Variants in RNF157 observed in about 807,000 individuals in gnomAD.
RNF157 encodes the protein E3 ubiquitin ligase RNF157.
RNF157 carries 55 observed loss-of-function variants against 88.3 expected under a neutral mutation model. The observed-to-expected ratio is 0.62, with a 90% confidence interval of 0.50 to 0.78. The LOEUF is 0.78. RNF157 is among the 30% of genes least tolerant of loss of function. The pLI is 0.00. For synonymous variants in RNF157, 334 were observed against 341.2 expected (o/e 0.98, Z 0.23); for missense variants, 788 against 860.8 (o/e 0.92, Z 1.06).
intron 2 of RNF157, among the ~76,000 whole-genome samples, chr17:76,174,093 G>GA (rs1434708779): frequency 3.3e-5 from 5 of 151,892 alleles, no homozygotes; most frequent in Admixed American, 2.6e-4. Context: ...AAAAACCGCT[G>GA]AAGTTCCAAA....
intron 12 of RNF157, 67 bp downstream of exon 12, chr17:76,159,268 A>C (rs1228639545): frequency 2.8e-6 from 4 of 1,404,222 alleles, no homozygotes; most frequent in Non-Finnish European, 2.0e-6. Flanking sequence ...GTGGGCCAGC[A>C]CCAAGGAGGG....
chr17:76,182,273 T>C (rs1441172092), intron 2 of RNF157, among the ~76,000 whole-genome samples: 1 of 152,234 alleles, frequency 6.6e-6, no homozygotes, highest in Non-Finnish European at 1.5e-5. Context: ...CTCTGTGTGT[T>C]ACGTGAGCAA....
chr17:76,226,154 T>C (rs1336698612), intron 1 of RNF157: 1 of 1,605,094 alleles, frequency 6.2e-7, no homozygotes, highest in East Asian at 2.2e-5. Flanking sequence ...GATGCCACTA[T>C]CATTATCTGA....
In RNF157 at chr17:76,161,389, A is replaced by G; in HGVS notation, c.1065+146T>C. 1.5e-6 allele frequency: 1 copy of G among 667,432 alleles called. No homozygotes were observed. 41.3% of individuals were successfully genotyped at this position (667,432 alleles called of 1,614,324 possible). On this transcript the variant is annotated intron_variant, in intron 11 of 18. Coordinates refer to ENST00000269391, the MANE Select transcript of RNF157 (RefSeq NM_052916.3). The surrounding 1 kb of genome is among the most constrained non-coding windows in gnomAD (Gnocchi z 4.6). ...TTTCCACAGTAATAAGTTGGTTTTA[A>G]CGCATGCTCTCAGCCGGCTTGCTAA...
chr17:76,191,835 T>C (rs2144946710), intron 2 of RNF157, among the ~76,000 whole-genome samples: 1 of 152,326 alleles, frequency 6.6e-6, no homozygotes, highest in African/African-American at 2.4e-5. Flanking sequence ...TAATCAGGGC[T>C]ACTATTTTAT....
intron 2 of RNF157, among the ~76,000 whole-genome samples, chr17:76,200,980 C>G (rs1239173264): frequency 6.6e-6 from 1 of 152,096 alleles, no homozygotes; most frequent in East Asian, 1.9e-4. Context: ...CATCCCAACC[C>G]CAGCGAGCAG....
At chr17:76,184,889 G>A (rs1283582110) in intron 2 of RNF157, among the ~76,000 whole-genome samples, 1 of 152,154 alleles carries the variant, frequency 6.6e-6, no homozygotes, top group Non-Finnish European at 1.5e-5. Flanking sequence ...AAGTACACAA[G>A]ACCAACGTCA....
intron 3 of RNF157, 146 bp downstream of exon 3, chr17:76,173,556 G>A (rs1425555470): frequency 1.3e-5 from 8 of 613,830 alleles, no homozygotes; most frequent in Admixed American, 2.9e-5. Context: ...AGAAAGTAGC[G>A]CCCGCACTCC....
chr17:76,151,181 G>A (rs1220511291), intron 18 of RNF157, among the ~76,000 whole-genome samples: 3 of 152,252 alleles, frequency 2.0e-5, no homozygotes, highest in Non-Finnish European at 4.4e-5. Context: ...AGGAGAAGCA[G>A]GGGAACTGAT....
chr17:76,162,222 G>C (rs937248222), intron 9 of RNF157: 4 of 591,912 alleles, frequency 6.8e-6, no homozygotes, highest in Non-Finnish European at 1.2e-5. Context: ...CTAACCACTC[G>C]AGCTCCTCCT....
In RNF157 at chr17:76,145,280, C is replaced by T. The variant is rs2068567300; in HGVS notation, c.1995G>A (p.Glu665=). 1.2e-6 allele frequency: 2 copies of T among 1,609,650 alleles called. No individual in the cohort carries two copies. The change falls in exon 19 of 19, where the codon GAG becomes GAA. Residue 665 remains glutamate, a synonymous_variant. Transcript: ENST00000269391. ...QRRRLSSSSL[E]DSETRPCVWG... The stretch of plus-strand genomic sequence containing the variant: ...ACACACAGGGCCTCGTCTCAGAGTC[C>T]TCCAGGCTGCTGGATGACAAGCGCC...
At chr17:76,204,383 C>T (rs1394287592) in intron 2 of RNF157, among the ~76,000 whole-genome samples, 1 of 152,204 alleles carries the variant, frequency 6.6e-6, no homozygotes, top group Non-Finnish European at 1.5e-5. Flanking sequence ...GCACTCTGGT[C>T]CTCTCTCGTA....
chr17:76,188,428 G>T (rs2069329579), intron 2 of RNF157, among the ~76,000 whole-genome samples: 1 of 152,062 alleles, frequency 6.6e-6, no homozygotes, highest in Admixed American at 6.5e-5. Flanking sequence ...ATTTCATTAA[G>T]ACCCTGGGCT....
At chr17:76,205,953 G>A (rs1329422394) in intron 2 of RNF157, among the ~76,000 whole-genome samples, 1 of 152,124 alleles carries the variant, frequency 6.6e-6, no homozygotes, top group Non-Finnish European at 1.5e-5. Flanking sequence ...GCAGAGGTGG[G>A]GCACAGTGGC....
intron 2 of RNF157, chr17:76,212,062 A>AG (rs2069810912): frequency 4.7e-6 from 1 of 211,816 alleles, no homozygotes; most frequent in South Asian, 1.4e-4. Flanking sequence ...AGTGCCATGA[A>AG]GAAAAAAAAA....
chr17:76,220,201 T>C (rs1360122561), intron 1 of RNF157, among the ~76,000 whole-genome samples: 2 of 151,950 alleles, frequency 1.3e-5, no homozygotes, highest in Admixed American at 6.6e-5. Context: ...ATACACAAGA[T>C]GGGACTAGAA....
At chr17:76,154,393 G>T (rs1209194264) in intron 16 of RNF157, 65 bp from the exon 17 acceptor site, 3 of 1,037,590 alleles carry the variant, frequency 2.9e-6, no homozygotes, top group Non-Finnish European at 4.6e-6. Flanking sequence ...ATTGGCTGAA[G>T]ACAGAACTAA....
chr17:76,229,982 GTGCA>G (rs2070159599), intron 1 of RNF157, among the ~76,000 whole-genome samples: 1 of 152,154 alleles, frequency 6.6e-6, no homozygotes, highest in Non-Finnish European at 1.5e-5. Context: ...CTGGAGTTGT[GTGCA>G]TTTCTATAAG....
At chr17:76,151,600 T>G (rs1260341190) in intron 18 of RNF157, among the ~76,000 whole-genome samples, 1 of 152,204 alleles carries the variant, frequency 6.6e-6, no homozygotes, top group Admixed American at 6.5e-5. Context: ...ATGTGGATTT[T>G]AGAAAAGCAG....
Sources: gnomAD v4.1 joint callset for allele counts (sites outside exome capture counted in the v4.1 genomes callset) on GRCh38, gnomAD v4.1.1 for gene constraint, Gnocchi (gnomAD v3.1) non-coding constraint, MANE v1.5 for transcripts, NCBI Gene and HGNC (gene_info 2026-07-23, HGNC 2026-07-21) for gene names.